The following CA5A variants were observed in gnomAD, a reference collection of about 807,000 sequenced individuals.
The protein encoded by CA5A is carbonic anhydrase 5A, also known as carbonic anhydrase 5A, mitochondrial.
Under a neutral mutation model 37.1 loss-of-function variants are expected in CA5A, and 28 were observed. The observed-to-expected ratio is 0.75, with a 90% CI of 0.56 to 1.03. The LOEUF is 1.03. CA5A is among the 50% of genes least tolerant of loss of function. CA5A has a pLI of 0.00. For synonymous variants in CA5A, 171 were observed against 158.4 expected (o/e 1.08, Z -0.60); for missense variants, 444 against 399.9 (o/e 1.11, Z -0.94).
At chr16:87,931,904 C>G (rs771132650) in intron 1 of CA5A, among the ~76,000 whole-genome samples, 13 of 152,242 alleles carry the variant, frequency 8.5e-5, no homozygotes, top group Admixed American at 3.3e-4. Flanking sequence ...TAATTCAGAA[C>G]GACACCAGCA....
At chr16:87,923,650 G>A in intron 2 of CA5A, 10 of 985,422 alleles carry the variant, frequency 1.0e-5, no homozygotes, top group Non-Finnish European at 1.2e-5. Context: ...TCAGCTCAGG[G>A]TCAGCCACCA....
intron 5 of CA5A, among the ~76,000 whole-genome samples, chr16:87,898,888 C>T (rs1348335075): frequency 6.6e-6 from 1 of 151,966 alleles, no homozygotes; most frequent in Admixed American, 6.6e-5. Flanking sequence ...GAGTGTGCCA[C>T]GATACCCAGC....
intron 2 of CA5A, chr16:87,924,353 A>G: frequency 2.1e-6 from 2 of 974,782 alleles, no homozygotes; most frequent in Non-Finnish European, 2.4e-6. Context: ...AAGGAGAGAG[A>G]GACACTGGAA....
At chr16:87,915,841 G>C (rs1029484167) in intron 2 of CA5A, among the ~76,000 whole-genome samples, 4 of 151,656 alleles carry the variant, frequency 2.6e-5, no homozygotes, top group South Asian at 2.1e-4. Flanking sequence ...TTCAAAATAA[G>C]CCAATAACAT....
chr16:87,918,064 C>A (rs1004339921), intron 2 of CA5A, among the ~76,000 whole-genome samples: 3 of 152,248 alleles, frequency 2.0e-5, no homozygotes, highest in Non-Finnish European at 4.4e-5. Context: ...CCGATTTGTG[C>A]CCCACTAGAG....
chr16:87,891,757 C>T (rs2143902963), intron 6 of CA5A, 42 bp downstream of exon 6: 1 of 1,446,436 alleles, frequency 6.9e-7, no homozygotes, highest in Middle Eastern at 2.5e-4. Flanking sequence ...AGAGGGACGC[C>T]TTCCATGAAG....
In CA5A at chr16:87,923,998, C is replaced by T. The variant is rs183981217; in HGVS notation, c.340+2750G>A. ...ACCACATTAAAACTGAAAAGCCAAT[C>T]TGAGTTGCTTCTTGGGCATTTGAAC... On this transcript the variant is annotated intron_variant, in intron 2 of 6. Coordinates refer to ENST00000649794, the MANE Select transcript of CA5A (RefSeq NM_001739.2). 6 of 985,406 alleles carry T rather than the reference C, an allele frequency of 6.1e-6. No homozygotes were observed. The East Asian group carries it at 6.8e-4, about 112-fold the overall frequency. The allele number at this position is 985,406 out of a possible 1,614,324, so 61.0% of individuals were successfully genotyped here.
intron 2 of CA5A, among the ~76,000 whole-genome samples, chr16:87,918,218 AAGTGCTTCACAC>A (rs1460103059): frequency 2.6e-5 from 4 of 152,338 alleles, no homozygotes; most frequent in African/African-American, 9.6e-5. Flanking sequence ...GAATGGTGCC[AAGTGCTTCACAC>A]AGCCCTGCCC....
chr16:87,923,441 G>T, intron 2 of CA5A: 1 of 612,164 alleles, frequency 1.6e-6, no homozygotes. Flanking sequence ...ACCCACCTCG[G>T]CTTCCCAAAG....
intron 3 of CA5A, among the ~76,000 whole-genome samples, chr16:87,904,456 A>G (rs1166575386): frequency 1.3e-5 from 2 of 152,234 alleles, no homozygotes; most frequent in African/African-American, 4.8e-5. Flanking sequence ...GCTAGTCCCT[A>G]CAGCTGCAAG....
chr16:87,893,125 C>CTTTCTTTCTTT (rs2055748539), intron 5 of CA5A: 3 of 523,160 alleles, frequency 5.7e-6, no homozygotes, highest in African/African-American at 4.1e-5. Flanking sequence ...TTTCTTTCTT[C>CTTTCTTTCTTT]CTTTCTTTCT....
chr16:87,918,832 A>G (rs2056191516), intron 2 of CA5A, among the ~76,000 whole-genome samples: 1 of 152,352 alleles, frequency 6.6e-6, no homozygotes, highest in East Asian at 1.9e-4. Context: ...TTCCCAATCC[A>G]GGTGAACAAA....
chr16:87,889,133 G>A (rs2055678087), intron 6 of CA5A, among the ~76,000 whole-genome samples: 1 of 151,902 alleles, frequency 6.6e-6, no homozygotes, highest in South Asian at 2.1e-4. Context: ...TGGTCAGGCT[G>A]CTCTCAAACT....
chr16:87,921,141 C>T (rs2056224262), intron 2 of CA5A, among the ~76,000 whole-genome samples: 1 of 152,042 alleles, frequency 6.6e-6, no homozygotes, highest in African/African-American at 2.4e-5. Context: ...ATTGGCCAGT[C>T]TGGTCTCGAA....
chr16:87,916,785 C>T (rs8045038), intron 2 of CA5A, among the ~76,000 whole-genome samples: 103,408 of 151,998 alleles, frequency 0.68, 36,514 homozygotes, highest in African/African-American at 0.86. Context: ...ACCTGGGAAG[C>T]GTCTGGGAAG....
In CA5A at chr16:87,904,786, C is replaced by T. The variant is rs1469665217; in HGVS notation, c.459G>A (p.Glu153=). 4.4e-6 allele frequency: 7 copies of T among 1,594,354 alleles called. No individual in the cohort carries two copies. Among genetic ancestry groups the T allele is most frequent in the Non-Finnish European group, 6.0e-6 (7 of 1,162,104 alleles). ...HTVDGHAYPA[E]LHLVHWNSVK... ...GTGCTGTTAGGCCACGTCTACAAAC[C>T]TCTGCGGGGTACGCGTGGCCGTCCA... The change falls in exon 3 of 7, where the codon GAG becomes GAA. Residue 153 remains glutamate (E), a splice_region_variant and synonymous_variant. Transcript: ENST00000649794.
intron 1 of CA5A, among the ~76,000 whole-genome samples, chr16:87,927,740 A>T (rs1484368262): frequency 6.6e-6 from 1 of 152,004 alleles, no homozygotes; most frequent in Non-Finnish European, 1.5e-5. Context: ...GGGCGCCTGT[A>T]ATCCCAGGTA....
chr16:87,928,353 G>A (rs1157297835), intron 1 of CA5A, among the ~76,000 whole-genome samples: 5 of 152,096 alleles, frequency 3.3e-5, no homozygotes, highest in Admixed American at 1.3e-4. Flanking sequence ...TTGTAGAGAC[G>A]AGGTTTCACT....
chr16:87,901,036 C>T (rs920562502), intron 5 of CA5A, among the ~76,000 whole-genome samples: 2 of 152,224 alleles, frequency 1.3e-5, no homozygotes, highest in African/African-American at 4.8e-5. Context: ...GACCAGCCAG[C>T]CTGGCCAACA....
Sources: allele counts gnomAD v4.1 joint callset (sites outside exome capture counted in the v4.1 genomes callset), GRCh38; gene constraint gnomAD v4.1.1; transcripts MANE v1.5; gene names NCBI Gene and HGNC (gene_info 2026-07-23, HGNC 2026-07-21).